The following EMC8 variants were observed in gnomAD, a reference collection of about 807,000 sequenced individuals.
EMC8 encodes the protein COX4 neighbor.
A neutral mutation model predicts 24.3 loss-of-function variants in EMC8; 11 were observed. That is an observed-to-expected ratio of 0.45 (90% CI 0.28 to 0.75). The LOEUF is 0.75. Ranked by LOEUF, EMC8 falls within the 30% of genes least tolerant of loss-of-function variation. The probability of loss-of-function intolerance (pLI) is 0.12; values close to 1 mark genes in which losing one functional copy is unlikely to be tolerated. For missense variants in EMC8, 277 were observed against 282.7 expected (o/e 0.98, Z 0.14); for synonymous variants, 145 against 117.7 (o/e 1.23, Z -1.50).
At chr16:85,784,091 C>T (rs1195317415) in intron 2 of EMC8, among the ~76,000 whole-genome samples, 3 of 152,122 alleles carry the variant, frequency 2.0e-5, no homozygotes, top group Non-Finnish European at 2.9e-5. Flanking sequence ...CTCTGCCTCC[C>T]GGGTTCACGC....
At chr16:85,796,984 C>G (rs1183909242) in intron 1 of EMC8, among the ~76,000 whole-genome samples, 1 of 152,094 alleles carries the variant, frequency 6.6e-6, no homozygotes, top group Admixed American at 6.5e-5. Flanking sequence ...GGGCCTGGCA[C>G]AAAGCAGATA....
At chr16:85,783,424 G>A (rs936327755) in intron 2 of EMC8, among the ~76,000 whole-genome samples, 2 of 152,222 alleles carry the variant, frequency 1.3e-5, no homozygotes, top group Non-Finnish European at 2.9e-5. Context: ...CTCACAAGCA[G>A]CTGGGACCAC....
chr16:85,796,860 C>T (rs1905258989), intron 1 of EMC8, among the ~76,000 whole-genome samples: 1 of 152,206 alleles, frequency 6.6e-6, no homozygotes, highest in Admixed American at 6.5e-5. Flanking sequence ...TCCCTTGCCA[C>T]TTTTTTACTA....
intron 1 of EMC8, among the ~76,000 whole-genome samples, chr16:85,796,024 T>C (rs1208840862): frequency 1.3e-5 from 2 of 152,014 alleles, no homozygotes; most frequent in Non-Finnish European, 2.9e-5. Context: ...TTGGAGAGCT[T>C]TTCCCTACGC....
intron 3 of EMC8, chr16:85,780,775 G>C (rs1025230596): frequency 8.2e-6 from 4 of 488,980 alleles, no homozygotes; most frequent in African/African-American, 7.7e-5. Context: ...GATGTCATCT[G>C]CTCACATACA....
chr16:85,781,316 G>T, intron 2 of EMC8, 36 bp from the exon 3 acceptor site: 1 of 1,308,454 alleles, frequency 7.6e-7, no homozygotes, highest in Non-Finnish European at 1.1e-6. Flanking sequence ...TCCAGTTAAT[G>T]CCATTCAACA....
intron 1 of EMC8, among the ~76,000 whole-genome samples, chr16:85,793,904 G>A (rs147226773): frequency 6.6e-6 from 1 of 152,246 alleles, no homozygotes; most frequent in East Asian, 1.9e-4. Flanking sequence ...ATAGGCGTAA[G>A]TACTTAAAAA....
rs764933439 is a variant in EMC8 at position 85,779,819 on chromosome 16, G to A, written c.522C>T (p.Leu174=). The A allele has an allele frequency of 3.7e-6, 6 of 1,614,148 alleles. No homozygotes were observed. Among genetic ancestry groups the A allele is most frequent in the African/African-American group, 2.7e-5 (2 of 75,040 alleles). Reference sequence around the variant, plus strand: ...GCGTCTCGTAGGACCGGCTGTCCAGGAGCGAGGCTGAGATCCTCTGTGCCT... The same window carrying A: ...GCGTCTCGTAGGACCGGCTGTCCAGAAGCGAGGCTGAGATCCTCTGTGCCT... ...WPEAQRISAS[L]LDSRSYETLV... The change falls in exon 5 of 5, where the codon CTC becomes CTT. Residue 174 remains leucine (L), a synonymous_variant. Coordinates refer to ENST00000253457, the MANE Select transcript of EMC8 (RefSeq NM_006067.5).
At chr16:85,787,229 C>A (rs146173425) in intron 2 of EMC8, among the ~76,000 whole-genome samples, 70 of 152,274 alleles carry the variant, frequency 4.6e-4, no homozygotes, top group African/African-American at 1.6e-3. Context: ...GCTGTCCCCC[C>A]AACCAGGAAT....
In EMC8 at chr16:85,799,389, G is replaced by A. The variant is rs1597212735; in HGVS notation, c.-94C>T. ...CGGCGCCTCAGCCGAGAAGCGGGAC[G>A]AGGCGGCGGCGATTGATGGCGCGGC... On this transcript the variant is annotated 5_prime_UTR_variant, in exon 1 of 5. Transcript: ENST00000253457. The surrounding 1 kb of genome is among the most constrained non-coding windows in gnomAD (Gnocchi z 4.2). 3.9e-6 allele frequency: 3 copies of A among 765,624 alleles called. No individual in the cohort carries two copies. Among genetic ancestry groups the A allele is most frequent in the East Asian group, 3.4e-5 (1 of 29,452 alleles). The allele number at this position is 765,624 out of a possible 1,614,324, so 47.4% of individuals were successfully genotyped here. A position where few individuals can be genotyped will look rare whatever the true frequency, so the allele number is the denominator to read the frequency against.
At chr16:85,792,278 T>C (rs1046131731) in intron 1 of EMC8, 9 of 152,152 alleles carry the variant, frequency 5.9e-5, no homozygotes, top group Admixed American at 4.6e-4. Context: ...CCAACCAAAT[T>C]CCAGCAGAAA....
chr16:85,789,315 G>C (rs1219515736), intron 1 of EMC8, among the ~76,000 whole-genome samples: 1 of 152,228 alleles, frequency 6.6e-6, no homozygotes, highest in African/African-American at 2.4e-5. Context: ...GTGCTGCAGA[G>C]AGTCAGAGGG....
intron 1 of EMC8, among the ~76,000 whole-genome samples, chr16:85,789,972 T>G (rs1904931008): frequency 6.6e-6 from 1 of 152,108 alleles, no homozygotes; most frequent in South Asian, 2.1e-4. Context: ...GGCAGACCTT[T>G]GAAGTTTTTG....
intron 2 of EMC8, among the ~76,000 whole-genome samples, chr16:85,786,718 C>T (rs1470963357): frequency 6.6e-6 from 1 of 152,094 alleles, no homozygotes; most frequent in Non-Finnish European, 1.5e-5. Context: ...AGGACGTGGA[C>T]TAGGTGAGGA....
intron 3 of EMC8, 107 bp from the exon 4 acceptor site, chr16:85,780,580 C>T: frequency 1.3e-6 from 1 of 745,816 alleles, no homozygotes; most frequent in Non-Finnish European, 2.3e-6. Flanking sequence ...CTGGCTGGGG[C>T]AGAGACTCTT....
At chr16:85,781,469 T>C in intron 2 of EMC8, 189 bp from the exon 3 acceptor site, 3 of 547,132 alleles carry the variant, frequency 5.5e-6, no homozygotes, top group Non-Finnish European at 1.0e-5. Context: ...CTTGCTCTGC[T>C]GCCCTAGCTG....
chr16:85,783,035 C>T (rs1904582411), intron 2 of EMC8, among the ~76,000 whole-genome samples: 1 of 152,214 alleles, frequency 6.6e-6, no homozygotes, highest in Admixed American at 6.5e-5. Context: ...TGCAGTGGCT[C>T]ACGCCTGTAA....
chr16:85,779,597 A>G lies in EMC8; in HGVS notation c.*111T>C. On this transcript the variant is annotated 3_prime_UTR_variant, in exon 5 of 5. Transcript: ENST00000253457. ...CCTTTCAAGGCACATGCCACTTCTTAAAACGGTCAGCTTTCCACACAGGCT... is the reference window on the plus strand; with the variant it reads ...CCTTTCAAGGCACATGCCACTTCTTGAAACGGTCAGCTTTCCACACAGGCT... 8.5e-7 allele frequency: 1 copy of G among 1,178,428 alleles called. No individual in the cohort carries two copies. The highest frequency in any genetic ancestry group is 2.5e-4 in the Middle Eastern group (1 of 3,984). The allele number at this position is 1,178,428 out of a possible 1,614,324, so 73.0% of individuals were successfully genotyped here.
At chr16:85,788,520 A>T (rs900215584) in intron 2 of EMC8, among the ~76,000 whole-genome samples, 1 of 152,264 alleles carries the variant, frequency 6.6e-6, no homozygotes, top group Non-Finnish European at 1.5e-5. Context: ...GGATAAAGGA[A>T]AAGAAAGAAG....
Sources: gnomAD v4.1 joint callset for allele counts (sites outside exome capture counted in the v4.1 genomes callset) on GRCh38, gnomAD v4.1.1 for gene constraint, Gnocchi (gnomAD v3.1) non-coding constraint, MANE v1.5 for transcripts, NCBI Gene and HGNC (gene_info 2026-07-23, HGNC 2026-07-21) for gene names.